The following FAT3 variants were observed in gnomAD, a reference collection of about 807,000 sequenced individuals.
The protein encoded by FAT3 is FAT atypical cadherin 3.
FAT3 carries 95 observed loss-of-function variants against 310.2 expected under a neutral mutation model. That is an observed-to-expected ratio of 0.31 (90% CI 0.26 to 0.36). The LOEUF is 0.36. Ranked by LOEUF, FAT3 falls within the 10% of genes least tolerant of loss-of-function variation. The probability of loss-of-function intolerance (pLI) is 1.00; values close to 1 mark genes in which losing one functional copy is unlikely to be tolerated. For synonymous variants in FAT3, 2,314 were observed against 2,192.9 expected (o/e 1.06, Z -1.54); for missense variants, 5,408 against 5,715.6 (o/e 0.95, Z 1.74).
At chr11:92,329,363 C>T (rs1024737686) in intron 1 of FAT3, among the ~76,000 whole-genome samples, 5 of 151,970 alleles carry the variant, frequency 3.3e-5, no homozygotes, top group African/African-American at 7.3e-5. Context: ...GGCATCTCCC[C>T]TTTTGCTCTC....
chr11:92,806,449 A>G lies in FAT3; in HGVS notation c.9181A>G (p.Asn3061Asp), dbSNP rs1947508808. 6.3e-7 allele frequency: 1 copy of G among 1,580,910 alleles called. No homozygotes were observed. The highest frequency in any genetic ancestry group is 1.2e-5 in the South Asian group (1 of 86,404). Residue 3061 changes from asparagine to aspartate, a missense_variant, in exon 12 of 28, where the codon AAT becomes GAT. Coordinates refer to ENST00000525166, the MANE Select transcript of FAT3 (RefSeq NM_001367949.2). ...TGCAAAGGATGCTGATATTGGATCC[A>G]ATGGATATATACGATACTCACTCTA... Reference protein sequence around the residue: ...VSAKDADIGSNGYIRYSLYGS... With the variant: ...VSAKDADIGSDGYIRYSLYGS...
In FAT3 at chr11:92,589,150, C is replaced by G. The variant is rs138565730; in HGVS notation, c.3607+64202C>G. On this transcript the variant is annotated intron_variant, in intron 3 of 27. Coordinates refer to ENST00000525166, the MANE Select transcript of FAT3 (RefSeq NM_001367949.2). ...GGTCATAGGCATGTCCATGTTCCAG[C>G]TAATAAAAAAGGAAAGAAAGGAACT... 1.4e-3 allele frequency among the ~76,000 whole-genome samples: 215 copies of G among 151,916 alleles called. 1 individual carries two copies. Among genetic ancestry groups the G allele is most frequent in the Admixed American group, 0.014 (209 of 15,214 alleles).
chr11:92,880,955 A>T, intron 23 of FAT3, 71 bp downstream of exon 23: 2 of 1,512,602 alleles, frequency 1.3e-6, no homozygotes, highest in Non-Finnish European at 1.8e-6. Context: ...TAAACAACTA[A>T]TGAGGGTAAA....
chr11:92,694,699 G>T (rs1238492210), intron 3 of FAT3, among the ~76,000 whole-genome samples: 2 of 152,204 alleles, frequency 1.3e-5, no homozygotes, highest in Non-Finnish European at 2.9e-5. Context: ...GGAACAGAGG[G>T]CAAAGGGGTC....
chr11:92,432,528 C>T (rs1458905213), intron 2 of FAT3, among the ~76,000 whole-genome samples: 2 of 152,170 alleles, frequency 1.3e-5, no homozygotes, highest in African/African-American at 4.8e-5. Context: ...CCCTCTTCTG[C>T]AGGTCTGCTG....
chr11:92,891,267 A>C lies in FAT3; in HGVS notation c.*154A>C. 1 of 1,053,540 alleles carries C rather than the reference A, an allele frequency of 9.5e-7. No homozygotes were observed. Among genetic ancestry groups the C allele is most frequent in the Non-Finnish European group, 1.3e-6 (1 of 747,532 alleles). 65.3% of individuals were successfully genotyped at this position (1,053,540 alleles called of 1,614,324 possible). On this transcript the variant is annotated 3_prime_UTR_variant, in exon 28 of 28. Transcript: ENST00000525166. ...CTTCACAAGTCATACTGTCCCAACA[A>C]GCAAGCTTGATTCCAGTTGGGTGAA...
intron 24 of FAT3, 136 bp from the exon 25 acceptor site, chr11:92,886,864 C>T: frequency 1.5e-6 from 1 of 676,682 alleles, no homozygotes; most frequent in Non-Finnish European, 2.5e-6. Flanking sequence ...CAATTTTCTA[C>T]TGTGGAGCTA....
At chr11:92,403,042 G>C (rs1474602182) in intron 2 of FAT3, among the ~76,000 whole-genome samples, 3 of 152,090 alleles carry the variant, frequency 2.0e-5, no homozygotes, top group Non-Finnish European at 2.9e-5. Flanking sequence ...TAACAAGATA[G>C]CAGGCCCATC....
At chr11:92,248,402 C>G (rs1324403641) in intron 1 of FAT3, among the ~76,000 whole-genome samples, 1 of 151,894 alleles carries the variant, frequency 6.6e-6, no homozygotes, top group Non-Finnish European at 1.5e-5. Context: ...TTTGGAATTG[C>G]CAAAAGAAAG....
chr11:92,592,299 T>C (rs1335747152), intron 3 of FAT3, among the ~76,000 whole-genome samples: 1 of 148,454 alleles, frequency 6.7e-6, no homozygotes, highest in Non-Finnish European at 1.5e-5. Context: ...CAACAATGTA[T>C]AGGAAATCTC....
chr11:92,635,309 TTG>T (rs1941724622), intron 3 of FAT3, among the ~76,000 whole-genome samples: 1 of 152,210 alleles, frequency 6.6e-6, no homozygotes. Flanking sequence ...CAGGACATTT[TTG>T]TGTTACTGAT....
At chr11:92,309,240 A>G (rs12803004) in intron 1 of FAT3, among the ~76,000 whole-genome samples, 19,060 of 140,352 alleles carry the variant, frequency 0.14, 1,240 homozygotes, top group South Asian at 0.19. Flanking sequence ...TCCTGTCCTC[A>G]TTGTTCTAAT....
chr11:92,355,441 C>T (rs764659699), intron 2 of FAT3, 37 bp downstream of exon 2: 1 of 1,565,048 alleles, frequency 6.4e-7, no homozygotes, highest in Non-Finnish European at 8.7e-7. Context: ...TGTTGTTTCA[C>T]CTCTTTTAAA....
At chr11:92,773,031 T>G (rs959742406) in intron 6 of FAT3, among the ~76,000 whole-genome samples, 2 of 152,212 alleles carry the variant, frequency 1.3e-5, no homozygotes, top group African/African-American at 4.8e-5. Flanking sequence ...AAAATTACTG[T>G]CTGAGAACAA....
In FAT3 at chr11:92,228,935, G is replaced by A. The variant is rs1864032945; in HGVS notation, c.-18+3761G>A. The stretch of plus-strand genomic sequence containing the variant: ...AGTAGGGAATCATCTGATGGGAGCA[G>A]GTGGGCCTGTCCATTTGAATTGATT... On this transcript the variant is annotated intron_variant, in intron 1 of 27. Transcript: ENST00000525166. Among the ~76,000 whole-genome samples the A allele has an allele frequency of 2.0e-5, 3 of 152,294 alleles. No homozygotes were observed. The South Asian group carries it at 6.2e-4, about 32-fold the overall frequency.
intron 27 of FAT3, among the ~76,000 whole-genome samples, 161 bp from the exon 28 acceptor site, chr11:92,890,330 C>T (rs570629083): frequency 2.0e-5 from 3 of 152,282 alleles, no homozygotes; most frequent in East Asian, 1.9e-4. Flanking sequence ...CCTTGTTGTC[C>T]GCAGGCCAAA....
At chr11:92,360,386 G>C (rs950163464) in intron 2 of FAT3, among the ~76,000 whole-genome samples, 2 of 152,110 alleles carry the variant, frequency 1.3e-5, no homozygotes, top group African/African-American at 4.8e-5. Context: ...ATTAAATGGG[G>C]GCCTCCCCAA....
intron 2 of FAT3, among the ~76,000 whole-genome samples, chr11:92,467,045 G>A (rs1311319007): frequency 6.6e-6 from 1 of 152,090 alleles, no homozygotes; most frequent in Non-Finnish European, 1.5e-5. Context: ...ATAAACACGT[G>A]TGCATGTGTC....
At chr11:92,788,095 C>G (rs946937810) in intron 7 of FAT3, among the ~76,000 whole-genome samples, 1 of 151,990 alleles carries the variant, frequency 6.6e-6, no homozygotes, top group Admixed American at 6.6e-5. Flanking sequence ...AAAAAGAAAA[C>G]AAGCCATTCT....
Sources: gnomAD v4.1 joint callset for allele counts (sites outside exome capture counted in the v4.1 genomes callset) on GRCh38, gnomAD v4.1.1 for gene constraint, MANE v1.5 for transcripts, NCBI Gene and HGNC (gene_info 2026-07-23, HGNC 2026-07-21) for gene names.